MAP3K6: variants seen among roughly 807,000 people sequenced by gnomAD.
The protein encoded by MAP3K6 is mitogen-activated protein kinase kinase kinase 6.
Under a neutral mutation model 147.1 loss-of-function variants are expected in MAP3K6, and 105 were observed. The observed-to-expected ratio is 0.71, with a 90% CI of 0.61 to 0.84. The LOEUF is 0.84. Ranked by LOEUF, MAP3K6 falls within the 40% of genes least tolerant of loss-of-function variation. MAP3K6 has a pLI of 0.00. For missense variants in MAP3K6, 1,569 were observed against 1,715.0 expected, an observed-to-expected ratio of 0.91 and a Z score of 1.50; for synonymous variants, 695 against 732.4, an observed-to-expected ratio of 0.95 and a Z score of 0.82.
At chr1:27,365,032 T>C in intron 1 of MAP3K6, 120 bp from the exon 2 acceptor site, 1 of 1,103,164 alleles carries the variant, frequency 9.1e-7, no homozygotes, top group South Asian at 1.7e-5. Flanking sequence ...GGTTCTGCTT[T>C]GGGCTTCAGT....
chr1:27,366,369 C>G lies in MAP3K6; in HGVS notation c.229G>C (p.Glu77Gln). The change falls in exon 1 of 29, where the codon GAG becomes CAG. Residue 77 changes from glutamate to glutamine, a missense_variant. Glu to Gln is a conservative substitution (Grantham distance 29). Coordinates refer to ENST00000357582, the MANE Select transcript of MAP3K6 (RefSeq NM_004672.5). The surrounding 1 kb of genome is among the most constrained non-coding windows in gnomAD (Gnocchi z 5.5). Reference sequence around the variant, plus strand: ...GGCCGGGGGACCTGCGCGCAAGCCTCGCGCAGGCAGCGCAGGGGCAGCGGC... The same window carrying G: ...GGCCGGGGGACCTGCGCGCAAGCCTGGCGCAGGCAGCGCAGGGGCAGCGGC... ...AEPLPLRCLR[E>Q]ACAQVPRPRP... 5 of 1,272,488 alleles carry G rather than the reference C, an allele frequency of 3.9e-6. No homozygotes were observed. Among genetic ancestry groups the G allele is most frequent in the Non-Finnish European group, 4.9e-6 (5 of 1,010,438 alleles). 78.8% of individuals were successfully genotyped at this position (1,272,488 alleles called of 1,614,324 possible).
In MAP3K6 at chr1:27,355,952, A is replaced by G. The variant is rs1051208866; in HGVS notation, c.3711+74T>C. The G allele has an allele frequency of 2.3e-5, 32 of 1,401,038 alleles. No individual in the cohort carries two copies. In the Admixed American group the frequency reaches 3.7e-4, roughly 16 times the overall value. 86.8% of individuals were successfully genotyped at this position (1,401,038 alleles called of 1,614,324 possible). A position where few individuals can be genotyped will look rare whatever the true frequency, so the allele number is the denominator to read the frequency against. ...TTCTCTGCATCAGAGGGCACAGTAG[A>G]AGAGCAGGAAGATGGACAGAGATGG... On this transcript the variant is annotated intron_variant, in intron 27 of 28. Coordinates refer to ENST00000357582, the MANE Select transcript of MAP3K6 (RefSeq NM_004672.5).
In MAP3K6 at chr1:27,359,115, G is replaced by T. The variant is rs1168982505; in HGVS notation, c.2426-249C>A. 6.6e-6 allele frequency among the ~76,000 whole-genome samples: 1 copy of T among 152,094 alleles called. No homozygotes were observed. The highest frequency in any genetic ancestry group is 2.4e-5 in the African/African-American group (1 of 41,374). Reference sequence around the variant, plus strand: ...ACATTCACAGACTCCATCACCCACAGTAGTGCTCCAGCACACATCCTGGAT... The same window carrying T: ...ACATTCACAGACTCCATCACCCACATTAGTGCTCCAGCACACATCCTGGAT... On this transcript the variant is annotated intron_variant, in intron 18 of 28. Coordinates refer to ENST00000357582, the MANE Select transcript of MAP3K6 (RefSeq NM_004672.5). This position sits in a 1 kb window ranked among gnomAD's most constrained non-coding sequence, Gnocchi z 4.4.
At position 27,358,650 on chromosome 1, in the gene MAP3K6, G is replaced by T. The variant is rs754985687; in HGVS notation, c.2584-39C>A. 6.2e-7 allele frequency: 1 copy of T among 1,613,576 alleles called. No homozygotes were observed. Among genetic ancestry groups the T allele is most frequent in the Non-Finnish European group, 8.5e-7 (1 of 1,179,874 alleles). ...GTGAACAAGGGTGACATTCAGAGGT[G>T]TCCAAGGCCCAGGCTGGCCCTATGC... On this transcript the variant is annotated intron_variant, in intron 19 of 28. Coordinates refer to ENST00000357582, the MANE Select transcript of MAP3K6 (RefSeq NM_004672.5). This position sits in a 1 kb window ranked among gnomAD's most constrained non-coding sequence, Gnocchi z 6.2.
chr1:27,355,449 A>T lies in MAP3K6; in HGVS notation c.3809T>A (p.Ile1270Asn). ...TRIRGGMVCR[I>N]WRAILAQRAG... ...TCGCTGTGCCAAGATGGCCCTCCAG[A>T]TGCGGCATACCATCCCTCCCCTGGG... The change falls in exon 29 of 29, where the codon ATC becomes AAC. Residue 1270 changes from isoleucine (I) to asparagine (N), a missense_variant. By Grantham distance (149) the Ile-to-Asn change is moderately radical. Transcript: ENST00000357582. 6.2e-7 allele frequency: 1 copy of T among 1,614,156 alleles called. No individual in the cohort carries two copies. The highest frequency in any genetic ancestry group is 8.5e-7 in the Non-Finnish European group (1 of 1,180,020).
Position 27,355,693 on chromosome 1 carries a change from T to C in MAP3K6, c.3764A>G (p.Asp1255Gly). Reference sequence around the variant, plus strand: ...CCTGATGCGGGTGTAGATGAGGTCATCTCGAGTGGCATAGGTGAGCAGAGT... The same window carrying C: ...CCTGATGCGGGTGTAGATGAGGTCACCTCGAGTGGCATAGGTGAGCAGAGT... ...LHTLLTYATR[D>G]DLIYTRIRGG... The change falls in exon 28 of 29, where the codon GAT becomes GGT. Residue 1255 changes from aspartate to glycine, a missense_variant. By Grantham distance (94) the Asp-to-Gly change is moderately conservative. Transcript: ENST00000357582. 2 of 1,610,900 alleles carry C rather than the reference T, an allele frequency of 1.2e-6. No individual in the cohort carries two copies. Among genetic ancestry groups the C allele is most frequent in the Non-Finnish European group, 1.7e-6 (2 of 1,178,798 alleles).
At position 27,359,292 on chromosome 1, in the gene MAP3K6, C is replaced by T. The variant is rs2015655362; in HGVS notation, c.2425+125G>A. On this transcript the variant is annotated intron_variant, in intron 18 of 28. Transcript: ENST00000357582. The surrounding 1 kb of genome is among the most constrained non-coding windows in gnomAD (Gnocchi z 4.4). ...CCTCAGCCCTGGCCCAATCACTCAC[C>T]CTGGGTTTCATTCCCCATTAGGACT... is the stretch of plus-strand genomic sequence containing the variant. 6 of 1,390,370 alleles carry T rather than the reference C, an allele frequency of 4.3e-6. No individual in the cohort carries two copies. The highest frequency in any genetic ancestry group is 5.9e-6 in the Non-Finnish European group (6 of 1,011,084). 86.1% of individuals were successfully genotyped at this position (1,390,370 alleles called of 1,614,324 possible).
rs139401154 is a variant in MAP3K6 at position 27,361,205 on chromosome 1, G to A, written c.1784C>T (p.Pro595Leu). 4.4e-5 allele frequency: 71 copies of A among 1,612,178 alleles called. No individual in the cohort carries two copies. In the African/African-American group the frequency reaches 4.9e-4, roughly 11 times the overall value. Residue 595 changes from proline (P) to leucine (L), a missense_variant, in exon 13 of 29, where the codon CCG (proline) becomes CTG (leucine). Coordinates refer to ENST00000357582, the MANE Select transcript of MAP3K6 (RefSeq NM_004672.5). ...GAAGCACAGCTGGACGTCCTGAGCCGGGGGGAGTGCATAGAGGAAGCAGCA... is the reference window on the plus strand; with the variant it reads ...GAAGCACAGCTGGACGTCCTGAGCCAGGGGGAGTGCATAGAGGAAGCAGCA... ...ERCCFLYALP[P>L]AQDVQLCFPS...
Position 27,366,241 on chromosome 1 carries a change from G to GC in MAP3K6, c.340+16dup. 7.7e-7 allele frequency: 1 copy of GC among 1,303,430 alleles called. No homozygotes were observed. The highest frequency in any genetic ancestry group is 9.7e-7 in the Non-Finnish European group (1 of 1,027,342). 80.7% of individuals were successfully genotyped at this position (1,303,430 alleles called of 1,614,324 possible). A position where few individuals can be genotyped will look rare whatever the true frequency, so the allele number is the denominator to read the frequency against. On this transcript the variant is annotated intron_variant, in intron 1 of 28. Coordinates refer to ENST00000357582, the MANE Select transcript of MAP3K6 (RefSeq NM_004672.5). This position sits in a 1 kb window ranked among gnomAD's most constrained non-coding sequence, Gnocchi z 5.5. ...CTGAGTCCCGCCCGGATCCGGCCCC[G>GC]CCCCCAGCGCTCTCACCCGCGTTGT...
In MAP3K6 at chr1:27,360,157, TC is replaced by T. The variant is rs2015692130; in HGVS notation, c.2182+83del. 2 of 1,581,732 alleles carry T rather than the reference TC, an allele frequency of 1.3e-6. No homozygotes were observed. The highest frequency in any genetic ancestry group is 1.7e-6 in the Non-Finnish European group (2 of 1,158,730). ...CCACCCACACGCACTAGGGTGCATT[TC>T]CCCCTAGGGCTCTCTACCCCTGCCT... On this transcript the variant is annotated intron_variant, in intron 16 of 28. Coordinates refer to ENST00000357582, the MANE Select transcript of MAP3K6 (RefSeq NM_004672.5). This position sits in a 1 kb window ranked among gnomAD's most constrained non-coding sequence, Gnocchi z 4.5.
Position 27,360,340 on chromosome 1 carries a change from C to T in MAP3K6, c.2083G>A (p.Ala695Thr), listed in dbSNP as rs763295997. Residue 695 changes from alanine (A) to threonine (T), a missense_variant, in exon 16 of 29, where the codon GCT becomes ACT. Physicochemically the swap from Ala to Thr is moderately conservative, Grantham distance 58. Coordinates refer to ENST00000357582, the MANE Select transcript of MAP3K6 (RefSeq NM_004672.5). This position sits in a 1 kb window ranked among gnomAD's most constrained non-coding sequence, Gnocchi z 4.5. Reference protein sequence around the residue: ...RFSQPLHEEIALHRRLRHKNI... With the variant: ...RFSQPLHEEITLHRRLRHKNI... ...TTGTGGCGCAGGCGTCTGTGAAGAG[C>T]GATCTCTTCATGCAGGGGCTGAGAG... is the stretch of plus-strand genomic sequence containing the variant. 10 of 1,613,814 alleles carry T rather than the reference C, an allele frequency of 6.2e-6. No individual in the cohort carries two copies. The highest frequency in any genetic ancestry group is 2.2e-5 in the East Asian group (1 of 44,888).
In MAP3K6 at chr1:27,364,346, C is replaced by T. The variant is rs750281168; in HGVS notation, c.553G>A (p.Gly185Ser). The change falls in exon 4 of 29, where the codon GGT (glycine) becomes AGT (serine). Residue 185 changes from glycine to serine, a missense_variant. Transcript: ENST00000357582. This position sits in a 1 kb window ranked among gnomAD's most constrained non-coding sequence, Gnocchi z 4.4. ...TLIPYVVTAT[G>S]RVLCGDAGLL... ...CCTGCATCACCACACAGCACCCGAC[C>T]AGTGGCCGTCACCACATAGGGGATC... is the stretch of plus-strand genomic sequence containing the variant. The T allele has an allele frequency of 1.9e-6, 3 of 1,614,120 alleles. No individual in the cohort carries two copies. Among genetic ancestry groups the T allele is most frequent in the South Asian group, 1.1e-5 (1 of 91,088 alleles).
intron 5 of MAP3K6, 23 bp from the exon 6 acceptor site, chr1:27,363,571 C>T: frequency 3.2e-6 from 5 of 1,572,352 alleles, no homozygotes; most frequent in Non-Finnish European, 4.3e-6. Flanking sequence ...ACGGCAAGCA[C>T]TGGCATCATG....
At chr1:27,356,850 C>A in intron 24 of MAP3K6, 101 bp from the exon 25 acceptor site, 2 of 1,468,196 alleles carry the variant, frequency 1.4e-6, no homozygotes, top group East Asian at 2.4e-5. Flanking sequence ...GGGCAGGCCC[C>A]AGGCGGTGCC....
chr1:27,358,756 G>C lies in MAP3K6; in HGVS notation c.2536C>G (p.Arg846Gly). 1 of 1,613,936 alleles carries C rather than the reference G, an allele frequency of 6.2e-7. No individual in the cohort carries two copies. The highest frequency in any genetic ancestry group is 1.7e-5 in the Admixed American group (1 of 60,002). The change falls in exon 19 of 29, where the codon CGC (arginine) becomes GGC (glycine). Residue 846 changes from arginine (R) to glycine (G), a missense_variant. Physicochemically the swap from Arg to Gly is moderately radical, Grantham distance 125. Transcript: ENST00000357582. This position sits in a 1 kb window ranked among gnomAD's most constrained non-coding sequence, Gnocchi z 6.2. ...CTCCCGAGCTCGTGGAAGGGGGGGCGACCTGTGGCCATCTCAATGACAGTG... is the reference window on the plus strand; with the variant it reads ...CTCCCGAGCTCGTGGAAGGGGGGGCCACCTGTGGCCATCTCAATGACAGTG... ...GCTVIEMATG[R>G]PPFHELGSPQ... is the part of the protein sequence containing the mutation.
chr1:27,364,482 T>C lies in MAP3K6; in HGVS notation c.505-88A>G. The C allele has an allele frequency of 1.3e-6, 2 of 1,560,286 alleles. No individual in the cohort carries two copies. Among genetic ancestry groups the C allele is most frequent in the Non-Finnish European group, 8.8e-7 (1 of 1,134,644 alleles). ...TGAGAGCATCAAAGGTCAGCATCAGTGGGAATTGGAATCGCAGGAAAGGGG... is the reference window on the plus strand; with the variant it reads ...TGAGAGCATCAAAGGTCAGCATCAGCGGGAATTGGAATCGCAGGAAAGGGG... On this transcript the variant is annotated intron_variant, in intron 3 of 28. Coordinates refer to ENST00000357582, the MANE Select transcript of MAP3K6 (RefSeq NM_004672.5). This position sits in a 1 kb window ranked among gnomAD's most constrained non-coding sequence, Gnocchi z 4.4.
rs900766402 is a variant in MAP3K6, at chr1:27,366,637, C to G, written c.-40G>C. ...GCGCGGGGCGCCGCGCACTGGGAACCGGGGGCGGGGCAGGAGCCTGGGCCG... is the reference window on the plus strand; with the variant it reads ...GCGCGGGGCGCCGCGCACTGGGAACGGGGGGCGGGGCAGGAGCCTGGGCCG... On this transcript the variant is annotated 5_prime_UTR_variant, in exon 1 of 29. Coordinates refer to ENST00000357582, the MANE Select transcript of MAP3K6 (RefSeq NM_004672.5). This position sits in a 1 kb window ranked among gnomAD's most constrained non-coding sequence, Gnocchi z 5.5. 1.9e-5 allele frequency: 20 copies of G among 1,073,034 alleles called. No homozygotes were observed. The African/African-American group carries it at 3.4e-4, about 18-fold the overall frequency. The allele number at this position is 1,073,034 out of a possible 1,614,324, so 66.5% of individuals were successfully genotyped here.
At position 27,357,012 on chromosome 1, in the gene MAP3K6, G is replaced by A. The variant is rs1345949890; in HGVS notation, c.3361C>T (p.Pro1121Ser). The change falls in exon 24 of 29, where the codon CCG becomes TCG. Residue 1121 changes from proline to serine, a missense_variant. Transcript: ENST00000357582. ...GCCCGTGGCATTCCCCTCCTACCCG[G>A]TCCTAGCACACCCAGGGCTGCCCGC... is the stretch of plus-strand genomic sequence containing the variant. Reference protein sequence around the residue: ...AVRAALGVLGPEVEKEAVSPR... With the variant: ...AVRAALGVLGSEVEKEAVSPR... 10 of 1,613,662 alleles carry A rather than the reference G, an allele frequency of 6.2e-6. No individual in the cohort carries two copies. The highest frequency in any genetic ancestry group is 1.3e-5 in the African/African-American group (1 of 75,050).
chr1:27,359,404 C>T lies in MAP3K6; in HGVS notation c.2425+13G>A, dbSNP rs770336747. The T allele has an allele frequency of 6.2e-7, 1 of 1,614,102 alleles. No homozygotes were observed. The highest frequency in any genetic ancestry group is 2.2e-5 in the East Asian group (1 of 44,874). ...GGTCAGCATCCCCACTCACCACCCC[C>T]ACACCTTGTTACCTGTGAAGGTCTC... On this transcript the variant is annotated intron_variant, in intron 18 of 28. Coordinates refer to ENST00000357582, the MANE Select transcript of MAP3K6 (RefSeq NM_004672.5). This position sits in a 1 kb window ranked among gnomAD's most constrained non-coding sequence, Gnocchi z 4.4.
Sources: gnomAD v4.1 joint callset for allele counts (sites outside exome capture counted in the v4.1 genomes callset) on GRCh38, gnomAD v4.1.1 for gene constraint, Gnocchi (gnomAD v3.1) non-coding constraint, MANE v1.5 for transcripts, NCBI Gene and HGNC (gene_info 2026-07-23, HGNC 2026-07-21) for gene names.